The following DPYD variants were observed in gnomAD, a reference collection of about 807,000 sequenced individuals.
DPYD encodes dihydropyrimidine dehydrogenase [NADP(+)].
Under a neutral mutation model 116.2 loss-of-function variants are expected in DPYD, and 109 were observed. The ratio of observed to expected loss-of-function variants is 0.94; its 90% CI spans 0.80 to 1.10. The LOEUF (loss-of-function observed/expected upper bound fraction) is 1.10. DPYD is among the 50% of genes least tolerant of loss of function. DPYD has a pLI of 0.00. For synonymous variants in DPYD, 440 were observed against 432.0 expected, an observed-to-expected ratio of 1.02 and a Z score of -0.23; for missense variants, 1,302 against 1,254.5, an observed-to-expected ratio of 1.04 and a Z score of -0.57.
chr1:97,899,105 T>G (rs538505300), intron 1 of DPYD, among the ~76,000 whole-genome samples: 2 of 151,836 alleles, frequency 1.3e-5, no homozygotes, highest in African/African-American at 4.8e-5. Context: ...TGTTTTGTTT[T>G]TTTTTTTAAT....
At chr1:97,691,101 T>C (rs1440359843) in intron 7 of DPYD, 1 of 152,320 alleles carries the variant, frequency 6.6e-6, no homozygotes, top group Admixed American at 6.5e-5. Flanking sequence ...AGTGAAGAGC[T>C]AGAATATAAT....
At chr1:97,516,601 C>T (rs931071443) in intron 12 of DPYD, among the ~76,000 whole-genome samples, 1 of 151,944 alleles carries the variant, frequency 6.6e-6, no homozygotes, top group Admixed American at 6.6e-5. Context: ...TCAAAATCTT[C>T]GACTGGCACT....
intron 8 of DPYD, 94 bp from the exon 9 acceptor site, chr1:97,595,260 A>G: frequency 1.1e-6 from 1 of 932,388 alleles, no homozygotes; most frequent in South Asian, 1.4e-5. Flanking sequence ...TCTTTGAAAT[A>G]ATGTCATTCT....
chr1:97,196,231 C>G (rs1570647082), intron 19 of DPYD, among the ~76,000 whole-genome samples: 1 of 152,052 alleles, frequency 6.6e-6, no homozygotes. Flanking sequence ...TCCCAAGTAG[C>G]TAGGACTACA....
At chr1:97,441,314 C>T (rs778454952) in intron 14 of DPYD, among the ~76,000 whole-genome samples, 2 of 152,036 alleles carry the variant, frequency 1.3e-5, no homozygotes, top group African/African-American at 2.4e-5. Flanking sequence ...CCACAACTTC[C>T]TTCAGGGACT....
chr1:97,530,830 ATC>A (rs1446608348), intron 12 of DPYD, among the ~76,000 whole-genome samples: 1 of 152,194 alleles, frequency 6.6e-6, no homozygotes, highest in African/African-American at 2.4e-5. Flanking sequence ...GTGAGGTAAT[ATC>A]TCAATGTGGT....
At chr1:97,846,983 G>C in intron 2 of DPYD, among the ~76,000 whole-genome samples, 1 of 152,178 alleles carries the variant, frequency 6.6e-6, no homozygotes, top group East Asian at 1.9e-4. Flanking sequence ...AGGGAGGGAT[G>C]GCTGCCCCAG....
chr1:97,111,389 C>A (rs1220354974), intron 20 of DPYD, among the ~76,000 whole-genome samples: 1 of 151,994 alleles, frequency 6.6e-6, no homozygotes, highest in Non-Finnish European at 1.5e-5. Flanking sequence ...ATATTTTAAC[C>A]ACTGTCCCCT....
chr1:97,704,034 A>C (rs1009155705), intron 5 of DPYD, among the ~76,000 whole-genome samples: 3 of 152,002 alleles, frequency 2.0e-5, no homozygotes, highest in African/African-American at 7.2e-5. Flanking sequence ...TCTACCATCA[A>C]CCCTAAATTC....
At chr1:97,805,486 T>C (rs1026679041) in intron 3 of DPYD, among the ~76,000 whole-genome samples, 1 of 151,916 alleles carries the variant, frequency 6.6e-6, no homozygotes, top group East Asian at 1.9e-4. Flanking sequence ...AACATAATGA[T>C]ATGTAGTTGC....
chr1:97,313,058 A>T (rs1398929729), intron 16 of DPYD, among the ~76,000 whole-genome samples: 1 of 151,924 alleles, frequency 6.6e-6, no homozygotes, highest in African/African-American at 2.4e-5. Flanking sequence ...AGAGTCTGCA[A>T]GGAAATGCAA....
chr1:97,604,504 C>T (rs1402799311), intron 8 of DPYD, among the ~76,000 whole-genome samples: 1 of 151,968 alleles, frequency 6.6e-6, no homozygotes, highest in Non-Finnish European at 1.5e-5. Flanking sequence ...AAATGATAAA[C>T]TTCTGTGCAA....
intron 18 of DPYD, among the ~76,000 whole-genome samples, chr1:97,266,534 TTTA>T (rs1401471469): frequency 2.0e-5 from 3 of 152,186 alleles, no homozygotes; most frequent in South Asian, 4.1e-4. Flanking sequence ...CATTTCTTTT[TTTA>T]TTATTATTAT....
At chr1:97,211,614 T>C (rs1660037179) in intron 19 of DPYD, among the ~76,000 whole-genome samples, 1 of 152,122 alleles carries the variant, frequency 6.6e-6, no homozygotes, top group African/African-American at 2.4e-5. Flanking sequence ...TAATATACAG[T>C]TTTAAAATTT....
At chr1:97,430,545 C>T (rs1193084460) in intron 14 of DPYD, among the ~76,000 whole-genome samples, 5 of 151,574 alleles carry the variant, frequency 3.3e-5, no homozygotes, top group South Asian at 2.1e-4. Flanking sequence ...GCTGAAATCG[C>T]GTCACTGCAC....
intron 11 of DPYD, among the ~76,000 whole-genome samples, chr1:97,560,558 CAAAAAAA>C (rs67653141): frequency 1.8e-5 from 2 of 111,456 alleles, no homozygotes; most frequent in East Asian, 5.9e-4. Flanking sequence ...ATTCAATTAG[CAAAAAAA>C]AAAAAAAAAA....
chr1:97,173,367 C>CACACATATATGTACAT (rs1656974923), intron 20 of DPYD, among the ~76,000 whole-genome samples: 3 of 104,872 alleles, frequency 2.9e-5, no homozygotes, highest in Non-Finnish European at 4.0e-5. Context: ...TACATATATA[C>CACACATATATGTACAT]ATATATGTGT....
At chr1:97,581,617 C>A (rs1653679279) in intron 10 of DPYD, among the ~76,000 whole-genome samples, 1 of 151,036 alleles carries the variant, frequency 6.6e-6, no homozygotes, top group Non-Finnish European at 1.5e-5. Flanking sequence ...ATGGTGGCAT[C>A]TGCCTGTAGT....
intron 8 of DPYD, among the ~76,000 whole-genome samples, chr1:97,631,889 A>G (rs1657282554): frequency 6.6e-6 from 1 of 152,062 alleles, no homozygotes; most frequent in Non-Finnish European, 1.5e-5. Flanking sequence ...ACACAGTTAT[A>G]GTTTTTAAAA....
Sources: allele counts gnomAD v4.1 joint callset (sites outside exome capture counted in the v4.1 genomes callset), GRCh38; gene constraint gnomAD v4.1.1; transcripts MANE v1.5; gene names NCBI Gene and HGNC (gene_info 2026-07-23, HGNC 2026-07-21).